The following ZNF385D variants were observed in gnomAD, a reference collection of about 807,000 sequenced individuals.
ZNF385D encodes zinc finger protein 659.
In ZNF385D, 15 loss-of-function variants were observed where a neutral mutation model predicts 35.8. The observed-to-expected ratio is 0.42, with a 90% CI of 0.28 to 0.64. The LOEUF (loss-of-function observed/expected upper bound fraction) is 0.64, where lower values mean the gene tolerates loss of function less well. ZNF385D is among the 30% of genes least tolerant of loss of function. The pLI, the probability that ZNF385D is intolerant of heterozygous loss-of-function variation, is 0.23. For missense variants in ZNF385D, 474 were observed against 494.6 expected, an observed-to-expected ratio of 0.96 and a Z score of 0.39; for synonymous variants, 212 against 186.8, an observed-to-expected ratio of 1.13 and a Z score of -1.10.
chr3:21,690,784 A>G (rs187067182), intron 1 of ZNF385D, among the ~76,000 whole-genome samples: 1 of 152,318 alleles, frequency 6.6e-6, no homozygotes, highest in African/African-American at 2.4e-5. Context: ...GAAACTCTGA[A>G]TATTAGGCCT....
chr3:21,460,869 T>A (rs1703125802), intron 4 of ZNF385D, among the ~76,000 whole-genome samples: 1 of 152,200 alleles, frequency 6.6e-6, no homozygotes. Flanking sequence ...CAGCTTTCTC[T>A]CTGTCATGAG....
chr3:21,733,292 A>T (rs1199927377), intron 1 of ZNF385D, among the ~76,000 whole-genome samples: 1 of 152,106 alleles, frequency 6.6e-6, no homozygotes, highest in Admixed American at 6.5e-5. Context: ...TTGTAGCTTT[A>T]TAGTAAGCTC....
rs534633720 is a variant in ZNF385D, at chr3:22,279,099, T to C, written c.106+93351A>G. On this transcript the variant is annotated intron_variant, in intron 2 of 5. Transcript: ENST00000494108. ...CAGGACTATCTCCATCTACTCTCAA[T>C]TGTGTTCCTTTTTTGTTTTATTTCA... Among the ~76,000 whole-genome samples the C allele has an allele frequency of 3.6e-3, 554 of 152,216 alleles. 3 individuals carry two copies. Among genetic ancestry groups the C allele is most frequent in the African/African-American group, 0.011 (470 of 41,562 alleles).
chr3:21,956,067 G>A (rs1479379493), intron 3 of ZNF385D, among the ~76,000 whole-genome samples: 1 of 151,930 alleles, frequency 6.6e-6, no homozygotes, highest in African/African-American at 2.4e-5. Flanking sequence ...CATGCCCATA[G>A]TCCCAGTACT....
At position 21,526,376 on chromosome 3, in the gene ZNF385D, T is replaced by C. The variant is rs147746693; in HGVS notation, c.277-15353A>G. Among the ~76,000 whole-genome samples the C allele has an allele frequency of 3.4e-4, 52 of 152,262 alleles. No individual in the cohort carries two copies. In the East Asian group the frequency reaches 9.9e-3, roughly 29 times the overall value. ...CATTTCCTAAAACTTGAGCTATTAGTTCAAGTATCACTCCTCTGCATTGAA... is the reference window on the plus strand; with the variant it reads ...CATTTCCTAAAACTTGAGCTATTAGCTCAAGTATCACTCCTCTGCATTGAA... On this transcript the variant is annotated intron_variant, in intron 3 of 7. Coordinates refer to ENST00000281523, the MANE Select transcript of ZNF385D (RefSeq NM_024697.3).
intron 3 of ZNF385D, among the ~76,000 whole-genome samples, chr3:22,036,258 A>G (rs940161233): frequency 5.3e-5 from 8 of 152,224 alleles, no homozygotes; most frequent in Non-Finnish European, 1.0e-4. Context: ...AATACAGAAC[A>G]TAATCACTTT....
intron 2 of ZNF385D, among the ~76,000 whole-genome samples, chr3:21,572,001 T>A (rs888030515): frequency 6.6e-6 from 1 of 152,182 alleles, no homozygotes; most frequent in Non-Finnish European, 1.5e-5. Flanking sequence ...ATTGACTGAA[T>A]CGCAGGGCAC....
intron 3 of ZNF385D, among the ~76,000 whole-genome samples, chr3:21,934,690 A>G (rs1701177080): frequency 6.6e-6 from 1 of 152,218 alleles, no homozygotes; most frequent in Admixed American, 6.5e-5. Context: ...TGATACAATG[A>G]GAGAGTTCAG....
At chr3:22,302,240 A>G (rs1339240580) in intron 2 of ZNF385D, among the ~76,000 whole-genome samples, 1 of 152,096 alleles carries the variant, frequency 6.6e-6, no homozygotes, top group Non-Finnish European at 1.5e-5. Context: ...CCAGCTACCT[A>G]GGATGGGTCC....
intron 3 of ZNF385D, among the ~76,000 whole-genome samples, chr3:21,816,802 A>G (rs2073168124): frequency 6.6e-6 from 1 of 152,192 alleles, no homozygotes; most frequent in African/African-American, 2.4e-5. Flanking sequence ...TCAAGCTCCC[A>G]ATGACTTTCT....
At chr3:21,905,793 A>C (rs541882926) in intron 3 of ZNF385D, among the ~76,000 whole-genome samples, 1 of 152,178 alleles carries the variant, frequency 6.6e-6, no homozygotes, top group South Asian at 2.1e-4. Context: ...TGTCTGATAG[A>C]GGCAGAAATA....
In ZNF385D at chr3:22,034,449, C is replaced by T. The variant is rs554587638; in HGVS notation, c.325+134368G>A. The stretch of plus-strand genomic sequence containing the variant: ...CCACCAAGTCTTAGTCTTAGCGGCC[C>T]AACTAAGATACACTCCACCATAATT... On this transcript the variant is annotated intron_variant, in intron 3 of 5. Transcript: ENST00000494108. Among the ~76,000 whole-genome samples, 3 of 152,154 alleles carry T rather than the reference C, an allele frequency of 2.0e-5. No homozygotes were observed. In the South Asian group the frequency reaches 6.2e-4, roughly 32 times the overall value.
chr3:21,728,217 T>C (rs532880858), intron 1 of ZNF385D, among the ~76,000 whole-genome samples: 65 of 151,754 alleles, frequency 4.3e-4, no homozygotes, highest in Non-Finnish European at 8.1e-4. Flanking sequence ...CAAACCACCA[T>C]GTCACGTGTA....
At chr3:21,667,471 T>C (rs1207927834) in intron 1 of ZNF385D, among the ~76,000 whole-genome samples, 6 of 152,194 alleles carry the variant, frequency 3.9e-5, no homozygotes, top group Non-Finnish European at 7.4e-5. Context: ...CCTAAATTAC[T>C]TTCATTTGTG....
At chr3:21,796,023 T>C (rs1264530997) in intron 3 of ZNF385D, among the ~76,000 whole-genome samples, 1 of 152,228 alleles carries the variant, frequency 6.6e-6, no homozygotes, top group Non-Finnish European at 1.5e-5. Flanking sequence ...GGCAATACTA[T>C]CATAGCAGAG....
intron 3 of ZNF385D, among the ~76,000 whole-genome samples, chr3:21,564,062 C>T (rs2063053639): frequency 6.6e-6 from 1 of 152,088 alleles, no homozygotes; most frequent in South Asian, 2.1e-4. Context: ...GACTGTAGGA[C>T]CCCTGTTAAA....
chr3:22,107,384 G>C (rs1424286154), intron 3 of ZNF385D, among the ~76,000 whole-genome samples: 2 of 151,966 alleles, frequency 1.3e-5, no homozygotes, highest in Non-Finnish European at 2.9e-5. Context: ...AAATTTTCTA[G>C]ATTTTTTTCT....
intron 3 of ZNF385D, among the ~76,000 whole-genome samples, chr3:21,875,722 G>A (rs1415752784): frequency 1.3e-5 from 2 of 151,840 alleles, no homozygotes; most frequent in Admixed American, 6.6e-5. Context: ...ATCAAACTCC[G>A]AGGCCACTCC....
In ZNF385D at chr3:21,549,163, C is replaced by A. The variant is rs559575972; in HGVS notation, c.276+15411G>T. ...GAATATTATTACTTTGTAAAGAAAC[C>A]CAGATAAATACAAACTTAATAAAGA... On this transcript the variant is annotated intron_variant, in intron 3 of 7. Transcript: ENST00000281523. Among the ~76,000 whole-genome samples the A allele has an allele frequency of 7.9e-5, 12 of 152,100 alleles. 1 individual carries two copies. In the South Asian group the frequency reaches 2.5e-3, roughly 32 times the overall value.
Sources: allele counts gnomAD v4.1 joint callset (sites outside exome capture counted in the v4.1 genomes callset), GRCh38; gene constraint gnomAD v4.1.1; transcripts MANE v1.5; gene names NCBI Gene and HGNC (gene_info 2026-07-23, HGNC 2026-07-21).